The following ZC3H12B variants were observed in gnomAD, a reference collection of about 807,000 sequenced individuals.
ZC3H12B encodes the protein zinc finger CCCH-type containing 12B, also known as probable ribonuclease ZC3H12B.
In ZC3H12B, 7 loss-of-function variants were observed where a neutral mutation model predicts 43.9. The observed-to-expected ratio is 0.16, with a 90% CI of 0.09 to 0.30. ZC3H12B has a LOEUF of 0.30. Ranked by LOEUF, ZC3H12B falls within the 10% of genes least tolerant of loss-of-function variation. The probability of loss-of-function intolerance (pLI) is 1.00; values close to 1 mark genes in which losing one functional copy is unlikely to be tolerated. For missense variants in ZC3H12B, 475 were observed against 670.2 expected, an observed-to-expected ratio of 0.71 and a Z score of 3.22; for synonymous variants, 222 against 241.7, an observed-to-expected ratio of 0.92 and a Z score of 0.76.
the ZC3H12B span, among the ~76,000 whole-genome samples, chrX:65,178,562 T>G: frequency 8.9e-6 from 1 of 111,884 alleles, no homozygotes; most frequent in Admixed American, 9.5e-5. Context: ...TAAACAAATT[T>G]AGAAGAAAAA....
At chrX:65,131,566 G>A in the ZC3H12B span, among the ~76,000 whole-genome samples, 1 of 111,240 alleles carries the variant, frequency 9.0e-6, no homozygotes, top group African/African-American at 3.3e-5. Flanking sequence ...AAAGAGGAGT[G>A]GCGAAAAGAT....
rs769040767 is a variant in ZC3H12B, at chrX:65,492,309, C to T, written c.608+2900C>T. On this transcript the variant is annotated intron_variant, in intron 1 of 4. Coordinates refer to ENST00000338957, the Ensembl canonical transcript of ZC3H12B. ...CATGAAGGACACTCTGGTTCTTTCG[C>T]TTTTTAAGGAATAATGCAGAGATTA... Among the ~76,000 whole-genome samples the T allele has an allele frequency of 1.8e-5, 2 of 111,990 alleles. 1 individual carries two copies. The highest frequency in any genetic ancestry group is 3.8e-5 in the Non-Finnish European group (2 of 53,225).
At chrX:65,115,272 A>T in the ZC3H12B span, among the ~76,000 whole-genome samples, 1 of 109,645 alleles carries the variant, frequency 9.1e-6, no homozygotes, top group African/African-American at 3.3e-5. Context: ...CTCATAGCTT[A>T]GCTCCAACAT....
chrX:65,506,861 C>A (rs1378540907), exon 5 of ZC3H12B: 1 of 110,472 alleles, frequency 9.1e-6, no homozygotes, highest in African/African-American at 3.3e-5. Flanking sequence ...CTTAAGGTGC[C>A]AGGTATGGGA....
chrX:65,372,779 A>T lies in ZC3H12B; in HGVS notation n.295+3781A>T, dbSNP rs187668404. 7.2e-4 allele frequency among the ~76,000 whole-genome samples: 81 copies of T among 112,614 alleles called. No homozygotes were observed. The Admixed American group carries it at 7.6e-3, about 11-fold the overall frequency. ...TTTGGAGAACTAGATAACCTGTATA[A>T]AATCACACAAGTATGCATCAAGGTC... On this transcript the variant is annotated intron_variant and non_coding_transcript_variant, in intron 2 of 5. Transcript: ENST00000617377.
intron 3 of ZC3H12B, among the ~76,000 whole-genome samples, chrX:65,472,825 G>GATATATATATATATATATATAT (rs58372328): frequency 1.9e-4 from 6 of 31,562 alleles, no homozygotes; most frequent in African/African-American, 1.1e-3. Flanking sequence ...CCATACCTTT[G>GATATATATATATATATATATAT]ATATATATAT....
the ZC3H12B span, among the ~76,000 whole-genome samples, chrX:65,059,497 T>G: frequency 1.3e-4 from 14 of 111,182 alleles, no homozygotes; most frequent in Non-Finnish European, 2.5e-4. Context: ...CAGTGTAGGT[T>G]CTTAGCACCT....
chrX:65,228,452 C>T, the ZC3H12B span, among the ~76,000 whole-genome samples: 7 of 111,245 alleles, frequency 6.3e-5, no homozygotes, highest in Admixed American at 1.9e-4. Context: ...AAACTGGAAG[C>T]ATTCCCTTTG....
At chrX:65,100,936 A>G in the ZC3H12B span, among the ~76,000 whole-genome samples, 1 of 111,864 alleles carries the variant, frequency 8.9e-6, no homozygotes, top group Non-Finnish European at 1.9e-5. Flanking sequence ...AATCAGCAGA[A>G]TATACATTCT....
chrX:65,443,481 G>C (rs755318991), intron 3 of ZC3H12B, among the ~76,000 whole-genome samples: 3 of 112,021 alleles, frequency 2.7e-5, no homozygotes, highest in Non-Finnish European at 5.6e-5. Flanking sequence ...TCAGAGCTGA[G>C]AGCCCCAAAC....
chrX:65,155,873 G>A, the ZC3H12B span, among the ~76,000 whole-genome samples: 5 of 109,057 alleles, frequency 4.6e-5, no homozygotes, highest in Non-Finnish European at 9.5e-5. Flanking sequence ...AAAAAAAGTT[G>A]GAAATTATTC....
At chrX:65,172,893 G>T in the ZC3H12B span, among the ~76,000 whole-genome samples, 5 of 111,992 alleles carry the variant, frequency 4.5e-5, no homozygotes, top group African/African-American at 6.5e-5. Flanking sequence ...GCTTAGGATT[G>T]TCTTGGCTAT....
the ZC3H12B span, among the ~76,000 whole-genome samples, chrX:65,132,955 T>A: frequency 9.0e-6 from 1 of 111,151 alleles, no homozygotes; most frequent in East Asian, 2.9e-4. Context: ...TGGGCCAGAG[T>A]TCCAGGGGCT....
the ZC3H12B span, among the ~76,000 whole-genome samples, chrX:65,089,900 G>T: frequency 9.0e-6 from 1 of 111,263 alleles, no homozygotes; most frequent in Admixed American, 9.5e-5. Flanking sequence ...AAGGTCTTCA[G>T]GGACAACAAC....
At chrX:65,257,576 A>T in the ZC3H12B span, among the ~76,000 whole-genome samples, 1 of 110,912 alleles carries the variant, frequency 9.0e-6, no homozygotes, top group Non-Finnish European at 1.9e-5. Context: ...CATTGTGCAC[A>T]TGTACTCTAG....
At chrX:65,345,244 T>C in the ZC3H12B span, among the ~76,000 whole-genome samples, 2 of 112,106 alleles carry the variant, frequency 1.8e-5, no homozygotes, top group Non-Finnish European at 3.8e-5. Context: ...GACACATGCA[T>C]GCATATGTAC....
chrX:65,068,929 G>A, the ZC3H12B span, among the ~76,000 whole-genome samples: 413 of 107,133 alleles, frequency 3.9e-3, 1 homozygote, highest in African/African-American at 0.013. Context: ...TTTTCCTTAA[G>A]CATTTTAAAT....
chrX:65,404,219 A>G (rs1294720625), intron 3 of ZC3H12B, among the ~76,000 whole-genome samples: 1 of 111,943 alleles, frequency 8.9e-6, no homozygotes, highest in Non-Finnish European at 1.9e-5. Flanking sequence ...CCTCAAACAA[A>G]CAACAAAAAA....
exon 1 of ZC3H12B, chrX:65,488,891 G>T: frequency 8.3e-7 from 1 of 1,210,089 alleles, no homozygotes; most frequent in Non-Finnish European, 1.1e-6. Context: ...ACAGCACAGA[G>T]CAGGGCAATG....
Sources: allele counts gnomAD v4.1 joint callset (sites outside exome capture counted in the v4.1 genomes callset), GRCh38; gene constraint gnomAD v4.1.1; transcripts MANE v1.5; gene names NCBI Gene and HGNC (gene_info 2026-07-23, HGNC 2026-07-21).